MACROD2: variants seen among roughly 807,000 people sequenced by gnomAD.
MACROD2 encodes ADP-ribose glycohydrolase MACROD2.
MACROD2 carries 36 observed loss-of-function variants against 70.4 expected under a neutral mutation model. The observed-to-expected ratio is 0.51, with a 90% CI of 0.39 to 0.68. The LOEUF (loss-of-function observed/expected upper bound fraction) is 0.68. Among genes scored for constraint, MACROD2 ranks in the 30% least tolerant of loss-of-function variants. MACROD2 has a pLI of 0.00. For synonymous variants in MACROD2, 172 were observed against 178.8 expected (o/e 0.96, Z 0.30); for missense variants, 496 against 538.4 (o/e 0.92, Z 0.78).
At chr20:14,176,866 C>T (rs967269307) in intron 3 of MACROD2, among the ~76,000 whole-genome samples, 4 of 152,176 alleles carry the variant, frequency 2.6e-5, no homozygotes, top group South Asian at 2.1e-4. Context: ...TCATCTGTTT[C>T]GATTATATAT....
At chr20:14,861,999 A>ATTTATG (rs1568838606) in intron 5 of MACROD2, among the ~76,000 whole-genome samples, 7 of 46,726 alleles carry the variant, frequency 1.5e-4, no homozygotes, top group African/African-American at 6.1e-4. Flanking sequence ...ATATTTATAT[A>ATTTATG]TATATTTATA....
chr20:14,928,244 T>TATC (rs3045698), intron 5 of MACROD2, among the ~76,000 whole-genome samples: 91,501 of 151,776 alleles, frequency 0.6, 28,185 homozygotes, highest in South Asian at 0.73. Context: ...AGTGTAGAAT[T>TATC]ATTCTATCCT....
At chr20:14,026,176 A>AT (rs969473243) in intron 2 of MACROD2, among the ~76,000 whole-genome samples, 5 of 151,594 alleles carry the variant, frequency 3.3e-5, no homozygotes, top group Admixed American at 3.3e-4. Flanking sequence ...CCCCTGTTTT[A>AT]TTTTTTTGCT....
At chr20:15,423,207 G>A (rs2046253013) in intron 6 of MACROD2, among the ~76,000 whole-genome samples, 1 of 152,110 alleles carries the variant, frequency 6.6e-6, no homozygotes, top group Non-Finnish European at 1.5e-5. Context: ...GGTTGGTTGG[G>A]GCACAGCTGA....
intron 3 of MACROD2, among the ~76,000 whole-genome samples, chr20:14,403,235 C>T (rs2083657440): frequency 6.6e-6 from 1 of 152,062 alleles, no homozygotes; most frequent in African/African-American, 2.4e-5. Context: ...CTCATTGTAC[C>T]CCCAAACACT....
intron 16 of MACROD2, among the ~76,000 whole-genome samples, chr20:16,042,909 T>C (rs1409868797): frequency 2.0e-5 from 3 of 152,088 alleles, no homozygotes; most frequent in Non-Finnish European, 2.9e-5. Context: ...AGTCATTCTC[T>C]CTTTCAAGCC....
At chr20:15,240,193 C>A (rs575018448) in intron 6 of MACROD2, among the ~76,000 whole-genome samples, 179 of 152,274 alleles carry the variant, frequency 1.2e-3, no homozygotes, top group African/African-American at 4.3e-3. Context: ...AAATGACAGT[C>A]TTGTTTGTTC....
intron 3 of MACROD2, among the ~76,000 whole-genome samples, chr20:14,261,859 G>A (rs1236373249): frequency 6.7e-6 from 1 of 150,316 alleles, no homozygotes; most frequent in Admixed American, 6.7e-5. Context: ...GGGAATTTTT[G>A]TGGGAGTCTT....
At chr20:14,791,192 A>C (rs2123802074) in intron 5 of MACROD2, among the ~76,000 whole-genome samples, 1 of 151,858 alleles carries the variant, frequency 6.6e-6, no homozygotes, top group African/African-American at 2.4e-5. Flanking sequence ...ATTGAGAGTA[A>C]TTTTTGTTTA....
chr20:15,063,855 G>C (rs1211757289), intron 5 of MACROD2, among the ~76,000 whole-genome samples: 2 of 152,168 alleles, frequency 1.3e-5, no homozygotes, highest in African/African-American at 4.8e-5. Context: ...TGTGTGCAGA[G>C]TAGGGGAAAT....
intron 5 of MACROD2, among the ~76,000 whole-genome samples, chr20:14,927,662 A>G (rs2074249813): frequency 6.6e-6 from 1 of 152,138 alleles, no homozygotes; most frequent in Non-Finnish European, 1.5e-5. Flanking sequence ...TTTGTCTTCT[A>G]TAGTATAGCA....
chr20:14,383,264 G>A (rs780730851), intron 3 of MACROD2, among the ~76,000 whole-genome samples: 5 of 151,698 alleles, frequency 3.3e-5, no homozygotes, highest in Non-Finnish European at 5.9e-5. Flanking sequence ...CGCTGCCCCA[G>A]ACTGAAAATT....
intron 5 of MACROD2, among the ~76,000 whole-genome samples, chr20:15,110,439 T>A (rs955886835): frequency 6.6e-6 from 1 of 152,018 alleles, no homozygotes; most frequent in East Asian, 1.9e-4. Context: ...CTAGAGGCAA[T>A]ACTTGGGCCA....
At chr20:16,048,303 A>G (rs994127825) in intron 17 of MACROD2, among the ~76,000 whole-genome samples, 2 of 152,194 alleles carry the variant, frequency 1.3e-5, no homozygotes, top group East Asian at 1.9e-4. Context: ...TGAAGATTTT[A>G]TAAAATAACT....
intron 5 of MACROD2, among the ~76,000 whole-genome samples, chr20:14,750,211 T>G (rs1195967740): frequency 3.3e-5 from 5 of 152,138 alleles, no homozygotes; most frequent in African/African-American, 1.2e-4. Flanking sequence ...ACAAAATTAT[T>G]ATGTGTATTT....
At chr20:14,219,212 G>A (rs1054902672) in intron 3 of MACROD2, among the ~76,000 whole-genome samples, 19 of 152,094 alleles carry the variant, frequency 1.2e-4, no homozygotes, top group African/African-American at 4.3e-4. Context: ...CAGACTTCTT[G>A]GAGGCTTTGT....
At chr20:14,415,382 G>A (rs1276466815) in intron 3 of MACROD2, among the ~76,000 whole-genome samples, 1 of 148,306 alleles carries the variant, frequency 6.7e-6, no homozygotes, top group Admixed American at 6.6e-5. Flanking sequence ...ATATTTGCAT[G>A]TATATTTACA....
intron 4 of MACROD2, among the ~76,000 whole-genome samples, chr20:14,544,440 G>C (rs987577188): frequency 6.6e-6 from 1 of 151,230 alleles, no homozygotes; most frequent in Non-Finnish European, 1.5e-5. Context: ...CTCTTTTTTC[G>C]GCTATAAGGC....
intron 7 of MACROD2, among the ~76,000 whole-genome samples, chr20:15,484,773 C>T (rs1429748770): frequency 6.6e-6 from 1 of 152,170 alleles, no homozygotes; most frequent in Non-Finnish European, 1.5e-5. Context: ...AATGGATCCC[C>T]TTGGAGTTTC....
Sources: gnomAD v4.1 joint callset for allele counts (sites outside exome capture counted in the v4.1 genomes callset) on GRCh38, gnomAD v4.1.1 for gene constraint, MANE v1.5 for transcripts, NCBI Gene and HGNC (gene_info 2026-07-23, HGNC 2026-07-21) for gene names.